ANKFN1: variants seen among roughly 807,000 people sequenced by gnomAD.
The protein encoded by ANKFN1 is ankyrin repeat and fibronectin type-III domain-containing protein 1.
Under a neutral mutation model 108.7 loss-of-function variants are expected in ANKFN1, and 74 were observed. That is an observed-to-expected ratio of 0.68 (90% CI 0.56 to 0.83). ANKFN1 has a LOEUF of 0.83. ANKFN1 is among the 40% of genes least tolerant of loss of function. The pLI, the probability that ANKFN1 is intolerant of heterozygous loss-of-function variation, is 0.00. For missense variants in ANKFN1, 1,505 were observed against 1,382.3 expected, an observed-to-expected ratio of 1.09 and a Z score of -1.41; for synonymous variants, 547 against 516.2, an observed-to-expected ratio of 1.06 and a Z score of -0.81.
chr17:56,068,545 C>T (rs1243269168), intron 4 of ANKFN1, among the ~76,000 whole-genome samples: 1 of 152,158 alleles, frequency 6.6e-6, no homozygotes, highest in African/African-American at 2.4e-5. Flanking sequence ...GCCCATAGAG[C>T]TCACCAGCCC....
At position 56,049,932 on chromosome 17, in the gene ANKFN1, G is replaced by A. The variant is rs544067068; in HGVS notation, c.288+3607G>A. ...AGTAATGGGATGGCTCGGTCAAATG[G>A]TATTTCTAGTTCTAGATTTCTGAGG... On this transcript the variant is annotated intron_variant, in intron 4 of 12. Transcript: ENST00000635860. Among the ~76,000 whole-genome samples the A allele has an allele frequency of 1.2e-4, 19 of 152,234 alleles. No individual in the cohort carries two copies. The South Asian group carries it at 3.9e-3, about 32-fold the overall frequency.
At chr17:56,293,788 T>C (rs923516633) in intron 3 of ANKFN1, among the ~76,000 whole-genome samples, 4 of 152,218 alleles carry the variant, frequency 2.6e-5, no homozygotes, top group African/African-American at 4.8e-5. Flanking sequence ...CATGAATGAC[T>C]AAGTATTAGG....
intron 20 of ANKFN1, 56 bp from the exon 21 acceptor site, chr17:56,510,417 G>T: frequency 7.0e-7 from 1 of 1,434,452 alleles, no homozygotes; most frequent in South Asian, 1.3e-5. Context: ...CTATGCCTGT[G>T]AAGCAGGCTC....
intron 4 of ANKFN1, among the ~76,000 whole-genome samples, chr17:56,063,175 C>T (rs986463915): frequency 6.6e-6 from 1 of 152,026 alleles, no homozygotes; most frequent in Admixed American, 6.6e-5. Context: ...TCAGGCTGCC[C>T]TTAACATTTT....
At chr17:56,314,393 A>G (rs1220017519) in intron 3 of ANKFN1, among the ~76,000 whole-genome samples, 1 of 152,224 alleles carries the variant, frequency 6.6e-6, no homozygotes, top group Non-Finnish European at 1.5e-5. Flanking sequence ...TCAGCAACCT[A>G]AAGGCACTAT....
At chr17:56,143,796 A>C (rs1404606975) in intron 4 of ANKFN1, among the ~76,000 whole-genome samples, 4 of 152,098 alleles carry the variant, frequency 2.6e-5, no homozygotes, top group African/African-American at 9.7e-5. Context: ...CAGAGATTGG[A>C]ATTACGCAGC....
At chr17:56,245,645 T>A (rs960606082) in intron 3 of ANKFN1, 13 of 152,158 alleles carry the variant, frequency 8.5e-5, no homozygotes, top group African/African-American at 2.4e-4. Flanking sequence ...TAAAAATTCA[T>A]TTATAACGTT....
chr17:56,170,397 G>C (rs554945334), intron 1 of ANKFN1, among the ~76,000 whole-genome samples: 8 of 152,148 alleles, frequency 5.3e-5, no homozygotes, highest in Non-Finnish European at 7.3e-5. Flanking sequence ...AGGCAGACAG[G>C]TTGCTGGAGC....
At chr17:56,248,022 A>C (rs1234118251) in intron 3 of ANKFN1, among the ~76,000 whole-genome samples, 1 of 152,228 alleles carries the variant, frequency 6.6e-6, no homozygotes, top group Non-Finnish European at 1.5e-5. Context: ...TTTCAGAAGA[A>C]AATGATGCAA....
intron 4 of ANKFN1, among the ~76,000 whole-genome samples, chr17:56,329,001 G>A (rs1325168852): frequency 2.6e-5 from 4 of 152,084 alleles, no homozygotes; most frequent in African/African-American, 9.7e-5. Context: ...TTTTTTAAGA[G>A]CTCCATACTT....
At chr17:56,446,496 A>G (rs2049293227) in intron 10 of ANKFN1, among the ~76,000 whole-genome samples, 1 of 152,228 alleles carries the variant, frequency 6.6e-6, no homozygotes, top group Non-Finnish European at 1.5e-5. Context: ...TGAACTTTCC[A>G]GTAAAAATCC....
chr17:56,302,915 C>T (rs2144379849), intron 3 of ANKFN1, among the ~76,000 whole-genome samples: 1 of 152,246 alleles, frequency 6.6e-6, no homozygotes, highest in East Asian at 1.9e-4. Context: ...GGTTTAAAGT[C>T]CATTAAATAG....
chr17:56,516,065 A>G lies in ANKFN1; in HGVS notation c.*4796A>G, dbSNP rs930121324. ...CTCTTTGCTCCTCTTCCTGCAGTCC[A>G]TGCCATGAAAGTCTGAATATACTTT... On this transcript the variant is annotated 3_prime_UTR_variant, in exon 21 of 21. Coordinates refer to ENST00000682825, the MANE Select transcript of ANKFN1 (RefSeq NM_001370326.1). 6.6e-6 allele frequency among the ~76,000 whole-genome samples: 1 copy of G among 152,190 alleles called. No homozygotes were observed. Among genetic ancestry groups the G allele is most frequent in the African/African-American group, 2.4e-5 (1 of 41,448 alleles).
At chr17:56,257,879 C>T (rs573739073) in intron 3 of ANKFN1, 3 of 152,386 alleles carry the variant, frequency 2.0e-5, no homozygotes, top group Admixed American at 2.0e-4. Flanking sequence ...TTCCCTCTCT[C>T]TAACCCCTCC....
At position 56,442,680 on chromosome 17, in the gene ANKFN1, G is replaced by A. The variant is rs537016104; in HGVS notation, c.1009-163G>A. Among the ~76,000 whole-genome samples the A allele has an allele frequency of 3.9e-5, 6 of 152,242 alleles. No homozygotes were observed. In the East Asian group the frequency reaches 1.2e-3, roughly 29 times the overall value. ...AGTCAAGAAAAACCAGAATGCTATA[G>A]ATGGGCTATAGTTCTGTTGCCCATG... On this transcript the variant is annotated intron_variant, in intron 9 of 20. Coordinates refer to ENST00000682825, the MANE Select transcript of ANKFN1 (RefSeq NM_001370326.1).
At chr17:56,220,804 GAGGGAGGAAGGAAGGAAGGAAGGA>G (rs1915794425) in intron 2 of ANKFN1, among the ~76,000 whole-genome samples, 1 of 75,594 alleles carries the variant, frequency 1.3e-5, no homozygotes, top group South Asian at 5.9e-4. Flanking sequence ...GGAAGGGAGG[GAGGGAGGAAGGAAGGAAGGAAGGA>G]AGGGAGGAAG....
chr17:56,157,793 T>C (rs1311782885), intron 1 of ANKFN1, among the ~76,000 whole-genome samples: 1 of 152,210 alleles, frequency 6.6e-6, no homozygotes, highest in Non-Finnish European at 1.5e-5. Flanking sequence ...TGTAAATCTA[T>C]AGGTCAGAAA....
At chr17:56,503,809 AC>A (rs2051462018) in intron 20 of ANKFN1, among the ~76,000 whole-genome samples, 1 of 152,108 alleles carries the variant, frequency 6.6e-6, no homozygotes, top group South Asian at 2.1e-4. Context: ...TATGAGCAGA[AC>A]TTTCATCAAA....
chr17:56,075,952 C>A (rs374333058), intron 4 of ANKFN1, among the ~76,000 whole-genome samples: 1 of 152,276 alleles, frequency 6.6e-6, no homozygotes, highest in South Asian at 2.1e-4. Context: ...AGGCTTGACA[C>A]ATTTTTCAGA....
Sources: allele counts gnomAD v4.1 joint callset (sites outside exome capture counted in the v4.1 genomes callset), GRCh38; gene constraint gnomAD v4.1.1; transcripts MANE v1.5; gene names NCBI Gene and HGNC (gene_info 2026-07-23, HGNC 2026-07-21).